Variants in PDE11A observed in about 807,000 individuals in gnomAD.
PDE11A encodes the protein phosphodiesterase 11A, also known as dual 3',5'-cyclic-AMP and -GMP phosphodiesterase 11A.
A neutral mutation model predicts 100.5 loss-of-function variants in PDE11A; 100 were observed. That is an observed-to-expected ratio of 1.00 (90% CI 0.85 to 1.18). The LOEUF is 1.18. Ranked by LOEUF, PDE11A falls within the 50% of genes most tolerant of loss-of-function variation. The pLI, the probability that PDE11A is intolerant of heterozygous loss-of-function variation, is 0.00. For synonymous variants in PDE11A, 381 were observed against 420.8 expected (o/e 0.91, Z 1.16); for missense variants, 1,141 against 1,152.6 (o/e 0.99, Z 0.15).
At chr2:177,663,826 G>T in intron 19 of PDE11A, 40 bp downstream of exon 19, 1 of 1,108,070 alleles carries the variant, frequency 9.0e-7, no homozygotes, top group Non-Finnish European at 1.4e-6. Context: ...TTCCTTTTCT[G>T]ATTCAGTCAG....
chr2:178,089,728 G>A (rs1170715612), intron 2 of PDE11A, among the ~76,000 whole-genome samples: 1 of 152,142 alleles, frequency 6.6e-6, no homozygotes, highest in Non-Finnish European at 1.5e-5. Flanking sequence ...ATCTGGTGAT[G>A]GGCCTAAGGT....
At chr2:177,824,858 T>G (rs1460870491) in intron 6 of PDE11A, among the ~76,000 whole-genome samples, 2 of 152,200 alleles carry the variant, frequency 1.3e-5, no homozygotes, top group African/African-American at 4.8e-5. Context: ...TACATGCCTA[T>G]GGGTATACAA....
At chr2:178,034,344 A>G (rs1277248515) in intron 1 of PDE11A, among the ~76,000 whole-genome samples, 1 of 152,222 alleles carries the variant, frequency 6.6e-6, no homozygotes, top group East Asian at 1.9e-4. Flanking sequence ...ATATATATGT[A>G]CCCAATACAG....
At chr2:177,814,913 C>T (rs1364749360) in intron 9 of PDE11A, among the ~76,000 whole-genome samples, 2 of 152,116 alleles carry the variant, frequency 1.3e-5, no homozygotes, top group African/African-American at 4.8e-5. Context: ...GCCATTCATG[C>T]TGCAACGCAG....
intron 12 of PDE11A, among the ~76,000 whole-genome samples, chr2:177,715,843 C>T (rs2081429486): frequency 6.6e-6 from 1 of 152,278 alleles, no homozygotes; most frequent in African/African-American, 2.4e-5. Flanking sequence ...TGTCTGGTAA[C>T]CTTTGGTGGT....
chr2:177,903,304 C>T (rs1227472006), intron 3 of PDE11A, among the ~76,000 whole-genome samples: 1 of 152,100 alleles, frequency 6.6e-6, no homozygotes, highest in Admixed American at 6.6e-5. Context: ...TTTGATAACC[C>T]TCTAAAATAA....
intron 2 of PDE11A, among the ~76,000 whole-genome samples, chr2:178,012,442 T>C (rs748239773): frequency 3.9e-5 from 6 of 152,216 alleles, no homozygotes; most frequent in Admixed American, 1.3e-4. Context: ...GATGATCTTA[T>C]TTAACTCTCC....
intron 19 of PDE11A, among the ~76,000 whole-genome samples, chr2:177,662,449 A>G (rs2080497057): frequency 6.6e-6 from 1 of 152,244 alleles, no homozygotes; most frequent in African/African-American, 2.4e-5. Context: ...ACAAAACTGA[A>G]TAACATTAAA....
At chr2:178,088,040 C>T (rs775152825) in intron 2 of PDE11A, among the ~76,000 whole-genome samples, 19 of 152,168 alleles carry the variant, frequency 1.2e-4, no homozygotes, top group Non-Finnish European at 2.2e-4. Flanking sequence ...TGCACTGAAG[C>T]TCCCCACCTC....
chr2:178,088,948 C>T (rs1184798941), intron 2 of PDE11A, among the ~76,000 whole-genome samples: 1 of 152,142 alleles, frequency 6.6e-6, no homozygotes, highest in Non-Finnish European at 1.5e-5. Flanking sequence ...TTATTATTTC[C>T]TCTGCTCTGT....
At chr2:177,734,888 G>A (rs1402022609) in intron 10 of PDE11A, among the ~76,000 whole-genome samples, 2 of 152,240 alleles carry the variant, frequency 1.3e-5, no homozygotes, top group Admixed American at 1.3e-4. Flanking sequence ...TAGAAGGATA[G>A]GGTGAGTGGA....
intron 1 of PDE11A, chr2:178,018,369 T>TTAGGCACACTTGACTTTAAC: frequency 2.7e-6 from 1 of 372,402 alleles, no homozygotes; most frequent in Non-Finnish European, 5.4e-6. Context: ...AGGCAGGCCT[T>TTAGGCACACTTGACTTTAAC]TTGGCACACT....
At chr2:177,648,502 T>C (rs1219326361) in intron 19 of PDE11A, among the ~76,000 whole-genome samples, 1 of 152,158 alleles carries the variant, frequency 6.6e-6, no homozygotes. Flanking sequence ...CTCTCGAACA[T>C]TCACCATGTA....
intron 13 of PDE11A, among the ~76,000 whole-genome samples, chr2:177,708,532 A>G (rs1027433837): frequency 3.3e-5 from 5 of 152,338 alleles, no homozygotes; most frequent in Middle Eastern, 3.4e-3. Context: ...ACTGGGCTTA[A>G]TACCTGGGTA....
intron 1 of PDE11A, among the ~76,000 whole-genome samples, chr2:178,031,018 T>C (rs1265066888): frequency 3.3e-5 from 5 of 152,180 alleles, no homozygotes; most frequent in Admixed American, 1.3e-4. Context: ...GAATGCAAGA[T>C]TGGTTTAATA....
chr2:177,728,147 T>G lies in PDE11A; in HGVS notation c.1814A>C (p.Glu605Ala). The G allele has an allele frequency of 6.2e-7, 1 of 1,613,306 alleles. No individual in the cohort carries two copies. Among genetic ancestry groups the G allele is most frequent in the Non-Finnish European group, 8.5e-7 (1 of 1,179,490 alleles). The change falls in exon 11 of 20, where the codon GAA (glutamate) becomes GCA (alanine). Residue 605 changes from glutamate to alanine, a missense_variant. Physicochemically the swap from Glu to Ala is moderately radical, Grantham distance 107. Coordinates refer to ENST00000286063, the MANE Select transcript of PDE11A (RefSeq NM_016953.4). ...FKAANIPLVS[E>A]LAIDDIHFDD... Reference sequence around the variant, plus strand: ...AAAATGAATGTCATCGATGGCAAGTTCTGACACCAGAGGGATGTTGGCTGC... The same window carrying G: ...AAAATGAATGTCATCGATGGCAAGTGCTGACACCAGAGGGATGTTGGCTGC...
intron 5 of PDE11A, among the ~76,000 whole-genome samples, chr2:177,853,111 G>T (rs1898588): frequency 0.97 from 148,219 of 152,198 alleles, 72,254 homozygotes; most frequent in Middle Eastern, 1. Flanking sequence ...GCCTGCTTCT[G>T]TCACAGCTGA....
chr2:177,823,649 A>T (rs1176817645), intron 6 of PDE11A, among the ~76,000 whole-genome samples: 2 of 152,194 alleles, frequency 1.3e-5, no homozygotes, highest in African/African-American at 4.8e-5. Flanking sequence ...TCTTCCAAAA[A>T]AACAAACTGG....
At chr2:177,784,392 C>T (rs191230898) in intron 9 of PDE11A, among the ~76,000 whole-genome samples, 75 of 152,096 alleles carry the variant, frequency 4.9e-4, no homozygotes, top group African/African-American at 1.6e-3. Flanking sequence ...AATGCCGTGG[C>T]ATTGTCCTGA....
Sources: allele counts gnomAD v4.1 joint callset (sites outside exome capture counted in the v4.1 genomes callset), GRCh38; gene constraint gnomAD v4.1.1; transcripts MANE v1.5; gene names NCBI Gene and HGNC (gene_info 2026-07-23, HGNC 2026-07-21).